The following TOGARAM2 variants were observed in gnomAD, a reference collection of about 807,000 sequenced individuals.
TOGARAM2 encodes the protein TOG array regulator of axonemal microtubules protein 2.
A neutral mutation model predicts 93.3 loss-of-function variants in TOGARAM2; 85 were observed. The ratio of observed to expected loss-of-function variants is 0.91; its 90% confidence interval spans 0.76 to 1.09. TOGARAM2 has a LOEUF of 1.09. Among genes scored for constraint, TOGARAM2 ranks in the 50% least tolerant of loss-of-function variants. The pLI is 0.00. For missense variants in TOGARAM2, 1,277 were observed against 1,334.5 expected (o/e 0.96, Z 0.67); for synonymous variants, 593 against 552.8 (o/e 1.07, Z -1.02).
Position 29,024,772 on chromosome 2 carries a change from G to C in TOGARAM2, c.1853+398G>C, listed in dbSNP as rs559071949. On this transcript the variant is annotated intron_variant, in intron 13 of 19. Coordinates refer to ENST00000379558, the MANE Select transcript of TOGARAM2 (RefSeq NM_199280.4). ...GGCTGTGGGAGCGCCCCGGGAGACA[G>C]GGCTGCAGAGGCAGCCTGAGCATGG... Among the ~76,000 whole-genome samples the C allele has an allele frequency of 1.5e-3, 236 of 152,312 alleles. 1 individual carries two copies. The highest frequency in any genetic ancestry group is 1.2e-3 in the Non-Finnish European group (80 of 68,022).
At chr2:29,046,862 T>A (rs2148399170) in intron 19 of TOGARAM2, 1 of 153,508 alleles carries the variant, frequency 6.5e-6, no homozygotes, top group South Asian at 2.1e-4. Flanking sequence ...TGCCCACTTG[T>A]GGCTGCCCTG....
upstream of TOGARAM2, among the ~76,000 whole-genome samples, chr2:28,980,912 A>G (rs2148232821): frequency 6.6e-6 from 1 of 152,352 alleles, no homozygotes; most frequent in East Asian, 1.9e-4. Flanking sequence ...GAGGGCACAC[A>G]GCTGGAAGTA....
At chr2:28,963,214 G>A (rs1441877592) in intron 1 of TOGARAM2, among the ~76,000 whole-genome samples, 1 of 152,084 alleles carries the variant, frequency 6.6e-6, no homozygotes, top group East Asian at 1.9e-4. Flanking sequence ...ATTTAAAAGT[G>A]TGATTTTAAG....
In TOGARAM2 at chr2:28,981,481, T is replaced by C. The variant is rs1672191032; in HGVS notation, c.-168T>C. The C allele has an allele frequency of 2.0e-5, 3 of 152,376 alleles. No individual in the cohort carries two copies. The highest frequency in any genetic ancestry group is 7.2e-5 in the African/African-American group (3 of 41,460). 9.4% of individuals were successfully genotyped at this position (152,376 alleles called of 1,614,324 possible). ...GGGCCCATGAGCATCAACGTCTCTA[T>C]AGAGACCAAGGACCCTGGATTCCTC... On this transcript the variant is annotated 5_prime_UTR_variant, in exon 1 of 20. Transcript: ENST00000379558.
intron 1 of TOGARAM2, among the ~76,000 whole-genome samples, chr2:28,975,773 G>A (rs1171683455): frequency 6.6e-6 from 1 of 151,930 alleles, no homozygotes; most frequent in East Asian, 1.9e-4. Flanking sequence ...ATCCTGTTTA[G>A]GTCTAGCACA....
intron 14 of TOGARAM2, among the ~76,000 whole-genome samples, chr2:29,031,603 A>G (rs1392118108): frequency 6.6e-6 from 1 of 152,236 alleles, no homozygotes; most frequent in Non-Finnish European, 1.5e-5. Flanking sequence ...ACGTCAGTGG[A>G]TATCCATTAG....
intron 1 of TOGARAM2, among the ~76,000 whole-genome samples, chr2:28,982,839 A>G (rs947406204): frequency 2.6e-5 from 4 of 152,184 alleles, no homozygotes; most frequent in Non-Finnish European, 5.9e-5. Context: ...GCCAAGAAAC[A>G]GAAAAACTGG....
intron 4 of TOGARAM2, among the ~76,000 whole-genome samples, chr2:29,001,331 TG>T (rs1673284763): frequency 6.8e-6 from 1 of 147,378 alleles, no homozygotes; most frequent in East Asian, 1.9e-4. Flanking sequence ...TTGACTTGGC[TG>T]GTTTATTTTT....
intron 1 of TOGARAM2, among the ~76,000 whole-genome samples, chr2:28,990,340 G>C (rs1200984022): frequency 1.3e-5 from 2 of 152,290 alleles, no homozygotes; most frequent in South Asian, 2.1e-4. Context: ...CACTTGAGGG[G>C]TCTGCATGAA....
intron 6 of TOGARAM2, among the ~76,000 whole-genome samples, chr2:29,004,199 C>T (rs2148292958): frequency 6.6e-6 from 1 of 152,270 alleles, no homozygotes; most frequent in East Asian, 1.9e-4. Flanking sequence ...CCAGGCTGGT[C>T]TTGAAACTCC....
chr2:29,036,878 G>T (rs1397121754), intron 18 of TOGARAM2, 121 bp downstream of exon 18: 2 of 1,002,042 alleles, frequency 2.0e-6, no homozygotes, highest in Non-Finnish European at 3.0e-6. Flanking sequence ...CAGAGGCTGT[G>T]TAGGGCAGAG....
chr2:28,994,007 G>A (rs1316376746), intron 1 of TOGARAM2, among the ~76,000 whole-genome samples: 1 of 152,196 alleles, frequency 6.6e-6, no homozygotes, highest in Non-Finnish European at 1.5e-5. Context: ...ACCTGTCAGG[G>A]GAAAACGGGT....
intron 1 of TOGARAM2, among the ~76,000 whole-genome samples, chr2:28,959,116 C>A (rs1671764715): frequency 6.6e-6 from 1 of 152,128 alleles, no homozygotes. Context: ...CCTGGCTGTA[C>A]CCTCCCTGGA....
chr2:29,006,787 C>T (rs1328926798), intron 6 of TOGARAM2, among the ~76,000 whole-genome samples: 1 of 152,096 alleles, frequency 6.6e-6, no homozygotes, highest in Non-Finnish European at 1.5e-5. Flanking sequence ...GCAGCTTGCT[C>T]CACTGACCTC....
At chr2:28,983,257 C>CTTCCCAAGTAGCTGGGTGTA (rs1182171251) in intron 1 of TOGARAM2, among the ~76,000 whole-genome samples, 1 of 131,940 alleles carries the variant, frequency 7.6e-6, no homozygotes. Flanking sequence ...TGTTGCTCAG[C>CTTCCCAAGTAGCTGGGTGTA]CTGGTCTCGA....
At chr2:29,005,300 G>C (rs1673648154) in intron 6 of TOGARAM2, among the ~76,000 whole-genome samples, 2 of 83,126 alleles carry the variant, frequency 2.4e-5, no homozygotes, top group Non-Finnish European at 6.5e-5. Context: ...GTGTGCATGT[G>C]TGTGTGTGGG....
chr2:28,976,528 A>C (rs1168369412), upstream of TOGARAM2, among the ~76,000 whole-genome samples: 1 of 152,076 alleles, frequency 6.6e-6, no homozygotes, highest in African/African-American at 2.4e-5. Context: ...CTTCTCTGAC[A>C]CGTCCTTTTG....
chr2:28,982,186 G>A (rs977713810), intron 1 of TOGARAM2, among the ~76,000 whole-genome samples: 1 of 152,214 alleles, frequency 6.6e-6, no homozygotes, highest in Non-Finnish European at 1.5e-5. Flanking sequence ...TGCGCAGAAT[G>A]GAAGTTACTG....
At chr2:28,974,291 C>T (rs1671995887) in intron 1 of TOGARAM2, among the ~76,000 whole-genome samples, 1 of 151,888 alleles carries the variant, frequency 6.6e-6, no homozygotes, top group African/African-American at 2.4e-5. Context: ...CCACGCCCAG[C>T]TAATTTTTTT....
Sources: gnomAD v4.1 joint callset for allele counts (sites outside exome capture counted in the v4.1 genomes callset) on GRCh38, gnomAD v4.1.1 for gene constraint, MANE v1.5 for transcripts, NCBI Gene and HGNC (gene_info 2026-07-23, HGNC 2026-07-21) for gene names.